Variants in FSTL5 observed in about 807,000 individuals in gnomAD.
The protein encoded by FSTL5 is follistatin-related protein 5.
In FSTL5, 62 loss-of-function variants were observed where a neutral mutation model predicts 89.1. That is an observed-to-expected ratio of 0.70 (90% CI 0.57 to 0.86). The LOEUF (loss-of-function observed/expected upper bound fraction) is 0.86, where lower values mean the gene tolerates loss of function less well. FSTL5 is among the 40% of genes least tolerant of loss of function. The pLI is 0.00. For missense variants in FSTL5, 1,057 were observed against 1,001.6 expected, an observed-to-expected ratio of 1.06 and a Z score of -0.75; for synonymous variants, 383 against 346.2, an observed-to-expected ratio of 1.11 and a Z score of -1.18.
intron 1 of FSTL5, among the ~76,000 whole-genome samples, chr4:162,152,134 T>A (rs938670950): frequency 1.3e-5 from 2 of 152,110 alleles, no homozygotes; most frequent in African/African-American, 4.8e-5. Context: ...TTCTCAGGCC[T>A]CAGGACATGT....
Position 161,693,229 on chromosome 4 carries a change from C to T in FSTL5, c.728-36735G>A, listed in dbSNP as rs143231743. On this transcript the variant is annotated intron_variant, in intron 6 of 15. Transcript: ENST00000306100. ...TACCATTTTCTTAAAGATTTCCGTG[C>T]GTACATTCATAAGGAATATTAAATT... Among the ~76,000 whole-genome samples the T allele has an allele frequency of 6.0e-3, 907 of 152,212 alleles. 13 individuals carry two copies. Among genetic ancestry groups the T allele is most frequent in the South Asian group, 0.047 (227 of 4,826 alleles).
intron 15 of FSTL5, among the ~76,000 whole-genome samples, chr4:161,453,650 C>G (rs374097615): frequency 6.6e-6 from 1 of 152,082 alleles, no homozygotes; most frequent in East Asian, 1.9e-4. Flanking sequence ...GGCTGGAGCA[C>G]AAGGTGTGAC....
chr4:161,755,799 T>C (rs1213161192), intron 6 of FSTL5, among the ~76,000 whole-genome samples: 1 of 152,082 alleles, frequency 6.6e-6, no homozygotes, highest in Non-Finnish European at 1.5e-5. Context: ...GATTTTTGAA[T>C]AGATTTCTTT....
Position 161,651,817 on chromosome 4 carries a change from A to G in FSTL5, c.894+4511T>C, listed in dbSNP as rs1003400717. 5.3e-5 allele frequency among the ~76,000 whole-genome samples: 8 copies of G among 152,216 alleles called. 1 individual carries two copies. In the East Asian group the frequency reaches 7.7e-4, roughly 15 times the overall value. ...AATCCATAGCCCATGTTGCAAAACAATGTCATAATGGCTCCTGCAGTTTGG... is the reference window on the plus strand; with the variant it reads ...AATCCATAGCCCATGTTGCAAAACAGTGTCATAATGGCTCCTGCAGTTTGG... On this transcript the variant is annotated intron_variant, in intron 7 of 15. Transcript: ENST00000306100.
At chr4:161,556,443 G>A (rs1732396464) in intron 8 of FSTL5, among the ~76,000 whole-genome samples, 1 of 151,504 alleles carries the variant, frequency 6.6e-6, no homozygotes, top group African/African-American at 2.4e-5. Context: ...AATATAACAT[G>A]TCTTGCATCA....
intron 12 of FSTL5, 61 bp downstream of exon 12, chr4:161,499,955 A>G: frequency 1.1e-6 from 1 of 942,480 alleles, no homozygotes; most frequent in Non-Finnish European, 1.7e-6. Context: ...TATTTCCAAA[A>G]CGTAATTCTA....
chr4:161,575,123 T>C (rs72616793), intron 8 of FSTL5, among the ~76,000 whole-genome samples: 27,920 of 152,092 alleles, frequency 0.18, 2,930 homozygotes, highest in East Asian at 0.4. Context: ...TTTTCAAAGG[T>C]TTTTTGGCCA....
At chr4:161,737,797 A>AG (rs1739869935) in intron 6 of FSTL5, among the ~76,000 whole-genome samples, 1 of 146,674 alleles carries the variant, frequency 6.8e-6, no homozygotes, top group South Asian at 2.2e-4. Flanking sequence ...TTAGAGATAA[A>AG]GAAAAAAAAA....
In FSTL5 at chr4:161,437,583, C is replaced by A. The variant is rs908359805; in HGVS notation, c.1841+17421G>T. 5.1e-3 allele frequency among the ~76,000 whole-genome samples: 345 copies of A among 67,080 alleles called. 1 individual carries two copies. The highest frequency in any genetic ancestry group is 9.3e-3 in the South Asian group (15 of 1,608). The allele number at this position is 67,080 out of a possible 152,430, so 44.0% of individuals were successfully genotyped here. Reference sequence around the variant, plus strand: ...TCCGTCTCAAAAAAAAAAAAAAAAACGAGGTCAGAAAAGGTCTTAATCCCA... The same window carrying A: ...TCCGTCTCAAAAAAAAAAAAAAAAAAGAGGTCAGAAAAGGTCTTAATCCCA... On this transcript the variant is annotated intron_variant, in intron 15 of 15. Transcript: ENST00000306100.
intron 4 of FSTL5, among the ~76,000 whole-genome samples, chr4:161,889,754 T>C (rs1732928025): frequency 2.0e-5 from 3 of 152,220 alleles, no homozygotes; most frequent in Admixed American, 1.3e-4. Context: ...ATGACTGTAA[T>C]CCAGCTAATT....
chr4:161,696,724 G>T (rs1313346698), intron 6 of FSTL5, among the ~76,000 whole-genome samples: 1 of 152,070 alleles, frequency 6.6e-6, no homozygotes, highest in Non-Finnish European at 1.5e-5. Context: ...GTAAAAGGGG[G>T]TTGAGCTCTT....
At chr4:161,760,409 TTG>T (rs1388193433) in intron 5 of FSTL5, among the ~76,000 whole-genome samples, 1 of 152,170 alleles carries the variant, frequency 6.6e-6, no homozygotes, top group Non-Finnish European at 1.5e-5. Flanking sequence ...GTTGGTTGGT[TTG>T]TTTGTTTTAA....
intron 3 of FSTL5, among the ~76,000 whole-genome samples, chr4:161,936,518 C>A (rs1181034606): frequency 6.6e-6 from 1 of 152,120 alleles, no homozygotes; most frequent in African/African-American, 2.4e-5. Context: ...TGGCACTAAG[C>A]AAGCTGAATC....
intron 3 of FSTL5, among the ~76,000 whole-genome samples, chr4:161,998,322 G>C (rs1736360844): frequency 6.6e-6 from 1 of 151,926 alleles, no homozygotes; most frequent in Non-Finnish European, 1.5e-5. Flanking sequence ...AAGGAGCTGG[G>C]AACTATCCCT....
chr4:161,392,524 TA>T (rs1271579671), intron 15 of FSTL5, among the ~76,000 whole-genome samples: 1 of 152,174 alleles, frequency 6.6e-6, no homozygotes, highest in African/African-American at 2.4e-5. Context: ...TGTACTCAGG[TA>T]AAATCTGTGT....
At chr4:161,682,683 C>T (rs1037759403) in intron 6 of FSTL5, among the ~76,000 whole-genome samples, 9 of 152,082 alleles carry the variant, frequency 5.9e-5, no homozygotes, top group Non-Finnish European at 1.0e-4. Flanking sequence ...CTGTCGTCTC[C>T]TATGATAACA....
chr4:161,758,932 C>T (rs1206128597), intron 6 of FSTL5, among the ~76,000 whole-genome samples: 2 of 152,212 alleles, frequency 1.3e-5, no homozygotes, highest in African/African-American at 4.8e-5. Flanking sequence ...TTCGGCAATT[C>T]AAACATGTAT....
intron 6 of FSTL5, among the ~76,000 whole-genome samples, chr4:161,692,341 C>CGCGT (rs1553958716): frequency 1.3e-5 from 2 of 148,752 alleles, no homozygotes; most frequent in Non-Finnish European, 3.0e-5. Context: ...ATATGGAGAT[C>CGCGT]GTGTGTGTGT....
intron 8 of FSTL5, among the ~76,000 whole-genome samples, chr4:161,554,277 C>T (rs986319922): frequency 1.3e-5 from 2 of 151,180 alleles, no homozygotes; most frequent in African/African-American, 4.8e-5. Flanking sequence ...TCTCAAAGGC[C>T]CACAGCAACT....
Sources: gnomAD v4.1 joint callset for allele counts (sites outside exome capture counted in the v4.1 genomes callset) on GRCh38, gnomAD v4.1.1 for gene constraint, MANE v1.5 for transcripts, NCBI Gene and HGNC (gene_info 2026-07-23, HGNC 2026-07-21) for gene names.